GIPC3: variants seen among roughly 807,000 people sequenced by gnomAD.
The protein encoded by GIPC3 is GIPC PDZ domain containing family member 3, also known as PDZ domain-containing protein GIPC3.
A neutral mutation model predicts 27.3 loss-of-function variants in GIPC3; 16 were observed. That is an observed-to-expected ratio of 0.59 (90% CI 0.40 to 0.89). The LOEUF (loss-of-function observed/expected upper bound fraction) is 0.89. Ranked by LOEUF, GIPC3 falls within the 40% of genes least tolerant of loss-of-function variation. The pLI is 0.00. For synonymous variants in GIPC3, 194 were observed against 184.6 expected (o/e 1.05, Z -0.41); for missense variants, 440 against 442.1 (o/e 1.00, Z 0.04).
Position 3,589,884 on chromosome 19 carries a change from C to T in GIPC3, c.759C>T (p.Ser253=), listed in dbSNP as rs971972097. Residue 253 remains serine, a synonymous_variant, in exon 5 of 6, where the codon AGC becomes AGT. Coordinates refer to ENST00000644452, the MANE Select transcript of GIPC3 (RefSeq NM_133261.3). ...ASRKVDDLLE[S]YMGIRDPELA... ...GGAAGGTTGATGACCTGCTGGAAAGCTACATGGGCATTCGGGACCCCGAGC... is the reference window on the plus strand; with the variant it reads ...GGAAGGTTGATGACCTGCTGGAAAGTTACATGGGCATTCGGGACCCCGAGC... The T allele has an allele frequency of 5.0e-6, 8 of 1,613,766 alleles. No homozygotes were observed. Among genetic ancestry groups the T allele is most frequent in the African/African-American group, 1.3e-5 (1 of 74,912 alleles).
In GIPC3 at chr19:3,589,858, C is replaced by T. The variant is rs766991127; in HGVS notation, c.733C>T (p.Arg245Trp). 22 of 1,613,884 alleles carry T rather than the reference C, an allele frequency of 1.4e-5. No homozygotes were observed. Among genetic ancestry groups the T allele is most frequent in the Admixed American group, 1.0e-4 (6 of 60,022 alleles). ...CAGTGAGTTTGAGGAGGAGGCATCTCGGAAGGTTGATGACCTGCTGGAAAG... is the reference window on the plus strand; with the variant it reads ...CAGTGAGTTTGAGGAGGAGGCATCTTGGAAGGTTGATGACCTGCTGGAAAG... ...APSEFEEEASRKVDDLLESYM... is the reference protein window; with the variant it reads ...APSEFEEEASWKVDDLLESYM... The change falls in exon 5 of 6, where the codon CGG (arginine) becomes TGG (tryptophan). Residue 245 changes from arginine to tryptophan, a missense_variant. Transcript: ENST00000644452.
At position 3,585,552 on chromosome 19, in the gene GIPC3, G is replaced by C. The variant is rs545605260; in HGVS notation, c.-46G>C. ...GGAGGCTGCAGGAAGCGGCGGATCC[G>C]GCGGCGGCGGCGAGGGCCCGGGTGG... On this transcript the variant is annotated 5_prime_UTR_variant, in exon 1 of 6. Transcript: ENST00000644452. 1,838 of 1,119,220 alleles carry C rather than the reference G, an allele frequency of 1.6e-3. 27 individuals are homozygous for C. In the African/African-American group the frequency reaches 0.027, roughly 16 times the overall value. The allele number at this position is 1,119,220 out of a possible 1,614,324, so 69.3% of individuals were successfully genotyped here. A position where few individuals can be genotyped will look rare whatever the true frequency, so the allele number is the denominator to read the frequency against.
intron 3 of GIPC3, among the ~76,000 whole-genome samples, chr19:3,589,023 G>A (rs2032430902): frequency 6.6e-6 from 1 of 151,812 alleles, no homozygotes; most frequent in African/African-American, 2.4e-5. Flanking sequence ...ACCAAGCCCT[G>A]CTCTTAAGCC....
Position 3,592,861 on chromosome 19 carries a change from G to A in GIPC3, c.*2671G>A. The A allele has an allele frequency of 8.1e-7, 1 of 1,232,122 alleles. No individual in the cohort carries two copies. The highest frequency in any genetic ancestry group is 1.0e-6 in the Non-Finnish European group (1 of 988,046). The allele number at this position is 1,232,122 out of a possible 1,614,324, so 76.3% of individuals were successfully genotyped here. ...TGGCTGAGCCCTGGAAATGGAATCT[G>A]CCCACAGACCCCTGGCCTTGACCCT... On this transcript the variant is annotated 3_prime_UTR_variant, in exon 6 of 6. Coordinates refer to ENST00000644452, the MANE Select transcript of GIPC3 (RefSeq NM_133261.3).
intron 2 of GIPC3, 50 bp downstream of exon 2, chr19:3,586,730 C>A (rs774607609): frequency 6.2e-7 from 1 of 1,609,720 alleles, no homozygotes; most frequent in Non-Finnish European, 8.5e-7. Context: ...AGCAACTGCC[C>A]CCCCCACTCT....
Position 3,593,461 on chromosome 19 carries a change from G to T in GIPC3, c.*3271G>T. The stretch of plus-strand genomic sequence containing the variant: ...CCTGGCTCAGATCCAGGTCCTTGGA[G>T]GGAAAAGGAGGGCAGGAGACGGGTT... On this transcript the variant is annotated 3_prime_UTR_variant, in exon 6 of 6. Transcript: ENST00000644452. 2.0e-6 allele frequency: 1 copy of T among 497,098 alleles called. No homozygotes were observed. The allele number at this position is 497,098 out of a possible 1,614,324, so 30.8% of individuals were successfully genotyped here. A position where few individuals can be genotyped will look rare whatever the true frequency, so the allele number is the denominator to read the frequency against.
Position 3,585,793 on chromosome 19 carries a change from G to T in GIPC3, c.196G>T (p.Ala66Ser). The change falls in exon 1 of 6, where the codon GCC becomes TCC. Residue 66 changes from alanine (A) to serine (S), a missense_variant. Physicochemically the swap from Ala to Ser is moderately conservative, Grantham distance 99 (BLOSUM62 1). Coordinates refer to ENST00000644452, the MANE Select transcript of GIPC3 (RefSeq NM_133261.3). ...TNVRELYAKI[A>S]EAFGIAPTEI... is the part of the protein sequence containing the mutation. ...CGTCCGCGAGCTGTACGCCAAGATC[G>T]CCGAAGCCTTCGGGATCGCGCCCAC... The T allele has an allele frequency of 6.5e-7, 1 of 1,547,538 alleles. No homozygotes were observed. Among genetic ancestry groups the T allele is most frequent in the East Asian group, 2.5e-5 (1 of 40,696 alleles).
In GIPC3 at chr19:3,592,484, C is replaced by G; in HGVS notation, c.*2294C>G. 6 of 1,231,984 alleles carry G rather than the reference C, an allele frequency of 4.9e-6. No individual in the cohort carries two copies. Among genetic ancestry groups the G allele is most frequent in the Non-Finnish European group, 6.1e-6 (6 of 987,984 alleles). The allele number at this position is 1,231,984 out of a possible 1,614,324, so 76.3% of individuals were successfully genotyped here. A position where few individuals can be genotyped will look rare whatever the true frequency, so the allele number is the denominator to read the frequency against. On this transcript the variant is annotated 3_prime_UTR_variant, in exon 6 of 6. Transcript: ENST00000644452. ...AGACTAGTTCTGGAAACCAGCTCAG[C>G]TCCGGGACCCAGACCACTGCAAGAA...
chr19:3,590,165 G>A lies in GIPC3; in HGVS notation c.914G>A (p.Gly305Asp). 1.2e-6 allele frequency: 2 copies of A among 1,606,700 alleles called. No individual in the cohort carries two copies. Among genetic ancestry groups the A allele is most frequent in the South Asian group, 1.1e-5 (1 of 89,720 alleles). ...EFVVEVWAAIGEAREACG is the reference protein window; with the variant it reads ...EFVVEVWAAIDEAREACG ...GTGGTGGAAGTGTGGGCCGCCATCG[G>A]CGAGGCCAGAGAGGCCTGTGGCTAG... The change falls in exon 6 of 6, where the codon GGC becomes GAC. Residue 305 changes from glycine to aspartate, a missense_variant. By Grantham distance (94) the Gly-to-Asp change is moderately conservative. Coordinates refer to ENST00000644452, the MANE Select transcript of GIPC3 (RefSeq NM_133261.3).
chr19:3,585,502 C>A lies in GIPC3; in HGVS notation c.-96C>A. ...AGATCCCCTTACCCGGGCGTCTCGGCTGTCGCGCCCTGGGCCGGGGGAGGG... is the reference window on the plus strand; with the variant it reads ...AGATCCCCTTACCCGGGCGTCTCGGATGTCGCGCCCTGGGCCGGGGGAGGG... On this transcript the variant is annotated 5_prime_UTR_variant, in exon 1 of 6. The change creates a new upstream start codon in the 5' untranslated region. Transcript: ENST00000644452. The A allele has an allele frequency of 9.7e-7, 1 of 1,028,356 alleles. No individual in the cohort carries two copies. Among genetic ancestry groups the A allele is most frequent in the Non-Finnish European group, 1.2e-6 (1 of 851,858 alleles). 63.7% of individuals were successfully genotyped at this position (1,028,356 alleles called of 1,614,324 possible).
In GIPC3 at chr19:3,589,438, T is replaced by C. The variant is rs776231446; in HGVS notation, c.593-5T>C. ...CATGGCCATCCCTCACTCTGTTCCC[T>C]CCAGATATGATTGGCCAGAGAAGTC... On this transcript the variant is annotated splice_region_variant and splice_polypyrimidine_tract_variant and intron_variant, in intron 3 of 5. Coordinates refer to ENST00000644452, the MANE Select transcript of GIPC3 (RefSeq NM_133261.3). 1 of 1,609,842 alleles carries C rather than the reference T, an allele frequency of 6.2e-7. No individual in the cohort carries two copies. The highest frequency in any genetic ancestry group is 1.1e-5 in the South Asian group (1 of 90,982).
chr19:3,586,546 G>A lies in GIPC3; in HGVS notation c.277G>A (p.Gly93Arg), dbSNP rs143121868. ...SHKVDMQKLL[G>R]GQIGLEDFIF... ...CAAAGTGGACATGCAGAAGCTCCTG[G>A]GGGGTCAGATAGGCCTGGAGGACTT... The change falls in exon 2 of 6, where the codon GGG (glycine) becomes AGG (arginine). Residue 93 changes from glycine (G) to arginine (R), a missense_variant. Coordinates refer to ENST00000644452, the MANE Select transcript of GIPC3 (RefSeq NM_133261.3). The A allele has an allele frequency of 1.2e-6, 2 of 1,613,914 alleles. No individual in the cohort carries two copies. The highest frequency in any genetic ancestry group is 3.3e-5 in the Admixed American group (2 of 60,026).
intron 3 of GIPC3, 143 bp from the exon 4 acceptor site, chr19:3,589,300 C>A: frequency 1.4e-6 from 1 of 704,426 alleles, no homozygotes. Flanking sequence ...TCGAATAGGT[C>A]TCTGGAGACT....
At chr19:3,586,367 G>A (rs2032364460) in intron 1 of GIPC3, 128 bp from the exon 2 acceptor site, 2 of 815,144 alleles carry the variant, frequency 2.5e-6, no homozygotes, top group South Asian at 1.4e-5. Flanking sequence ...TGTTCTGGGG[G>A]TCCCACGCCC....
chr19:3,592,441 A>T lies in GIPC3; in HGVS notation c.*2251A>T. 1 of 1,231,882 alleles carries T rather than the reference A, an allele frequency of 8.1e-7. No homozygotes were observed. Among genetic ancestry groups the T allele is most frequent in the Non-Finnish European group, 1.0e-6 (1 of 987,956 alleles). The allele number at this position is 1,231,882 out of a possible 1,614,324, so 76.3% of individuals were successfully genotyped here. A position where few individuals can be genotyped will look rare whatever the true frequency, so the allele number is the denominator to read the frequency against. ...GGAACCCAGCTGATTTCCGGAGCCC[A>T]ACCCAGCTCCAGAACTCAGACTAGT... On this transcript the variant is annotated 3_prime_UTR_variant, in exon 6 of 6. Transcript: ENST00000644452.
At chr19:3,588,893 G>A (rs2032428222) in intron 3 of GIPC3, among the ~76,000 whole-genome samples, 2 of 150,886 alleles carry the variant, frequency 1.3e-5, no homozygotes, top group Non-Finnish European at 2.9e-5. Flanking sequence ...GCAGTAAGCC[G>A]AGATCGTGCC....
rs2032485372 is a variant in GIPC3, at chr19:3,591,328, C to T, written c.*1138C>T. 1.6e-6 allele frequency: 2 copies of T among 1,232,430 alleles called. No individual in the cohort carries two copies. Among genetic ancestry groups the T allele is most frequent in the Admixed American group, 8.4e-5 (2 of 23,674 alleles). 76.3% of individuals were successfully genotyped at this position (1,232,430 alleles called of 1,614,324 possible). On this transcript the variant is annotated 3_prime_UTR_variant, in exon 6 of 6. Coordinates refer to ENST00000644452, the MANE Select transcript of GIPC3 (RefSeq NM_133261.3). ...ATCCAGCTGAGCCCTGACAACAAGC[C>T]AAACTCTGGAACCCAGACACATTTT...
At position 3,593,528 on chromosome 19, in the gene GIPC3, C is replaced by A. The variant is rs2032531998; in HGVS notation, c.*3338C>A. 2.6e-6 allele frequency: 1 copy of A among 391,016 alleles called. No homozygotes were observed. The highest frequency in any genetic ancestry group is 3.7e-5 in the East Asian group (1 of 27,338). The allele number at this position is 391,016 out of a possible 1,614,324, so 24.2% of individuals were successfully genotyped here. A position where few individuals can be genotyped will look rare whatever the true frequency, so the allele number is the denominator to read the frequency against. On this transcript the variant is annotated 3_prime_UTR_variant, in exon 6 of 6. Transcript: ENST00000644452. The stretch of plus-strand genomic sequence containing the variant: ...GAGGGCTCATGGTGAATAAAGGCAC[C>A]TTCCATCTCTGCAGCCTGGTGTGTC...
In GIPC3 at chr19:3,590,767, A is replaced by G. The variant is rs1323809600; in HGVS notation, c.*577A>G. On this transcript the variant is annotated 3_prime_UTR_variant, in exon 6 of 6. Coordinates refer to ENST00000644452, the MANE Select transcript of GIPC3 (RefSeq NM_133261.3). ...AGAACTCAGATGGGCTCTGAGACCG[A>G]GCCCAGCTCTAGAACTCAGATGGGC... 1 of 1,231,400 alleles carries G rather than the reference A, an allele frequency of 8.1e-7. No homozygotes were observed. Among genetic ancestry groups the G allele is most frequent in the Non-Finnish European group, 1.0e-6 (1 of 988,868 alleles). The allele number at this position is 1,231,400 out of a possible 1,614,324, so 76.3% of individuals were successfully genotyped here.
Sources: gnomAD v4.1 joint callset for allele counts (sites outside exome capture counted in the v4.1 genomes callset) on GRCh38, gnomAD v4.1.1 for gene constraint, MANE v1.5 for transcripts, NCBI Gene and HGNC (gene_info 2026-07-23, HGNC 2026-07-21) for gene names.